Variants in TUSC3 observed in about 807,000 individuals in gnomAD.
TUSC3 encodes the protein dolichyl-diphosphooligosaccharide--protein glycosyltransferase subunit TUSC3.
A neutral mutation model predicts 44.8 loss-of-function variants in TUSC3; 45 were observed. The ratio of observed to expected loss-of-function variants is 1.00; its 90% confidence interval spans 0.79 to 1.29. TUSC3 has a LOEUF of 1.29. TUSC3 is among the 50% of genes most tolerant of loss of function. TUSC3 has a pLI of 0.00. For synonymous variants in TUSC3, 212 were observed against 152.9 expected, an observed-to-expected ratio of 1.39 and a Z score of -2.85; for missense variants, 519 against 437.9, an observed-to-expected ratio of 1.19 and a Z score of -1.65.
intron 6 of TUSC3, among the ~76,000 whole-genome samples, chr8:15,720,825 A>C (rs929138464): frequency 2.0e-5 from 3 of 152,148 alleles, no homozygotes; most frequent in Non-Finnish European, 4.4e-5. Context: ...GGCAGTGACC[A>C]CAAATAAATA....
chr8:15,581,592 G>C (rs1374468356), intron 1 of TUSC3, among the ~76,000 whole-genome samples: 28 of 149,466 alleles, frequency 1.9e-4, no homozygotes, highest in South Asian at 6.4e-4. Context: ...AGGTGTCAGT[G>C]TGCCCCTGCT....
the TUSC3 span, among the ~76,000 whole-genome samples, chr8:15,839,008 C>G: frequency 6.6e-6 from 1 of 152,092 alleles, no homozygotes; most frequent in Non-Finnish European, 1.5e-5. Flanking sequence ...TGTTCTTCCA[C>G]TTGTTTGTAT....
chr8:15,487,960 G>A (rs571892163), intron 2 of TUSC3, among the ~76,000 whole-genome samples: 7 of 143,556 alleles, frequency 4.9e-5, no homozygotes, highest in South Asian at 4.3e-4. Context: ...AAACACTCTC[G>A]TCTGAAATTC....
intron 1 of TUSC3, among the ~76,000 whole-genome samples, chr8:15,586,192 C>T (rs146369057): frequency 6.6e-6 from 1 of 152,176 alleles, no homozygotes; most frequent in Admixed American, 6.5e-5. Context: ...TGGCCAGAAA[C>T]AATTTAAGTC....
chr8:15,547,195 C>T (rs957921855), intron 1 of TUSC3, among the ~76,000 whole-genome samples: 2 of 151,574 alleles, frequency 1.3e-5, no homozygotes, highest in Non-Finnish European at 2.9e-5. Context: ...ATGGAAAGGG[C>T]ACTTTAGTAC....
At chr8:15,552,338 C>G (rs1393602906) in intron 1 of TUSC3, among the ~76,000 whole-genome samples, 2 of 151,588 alleles carry the variant, frequency 1.3e-5, no homozygotes, top group African/African-American at 4.8e-5. Context: ...AGGTACAGTG[C>G]TGGATTTTGA....
the TUSC3 span, among the ~76,000 whole-genome samples, chr8:15,839,825 C>T: frequency 6.6e-6 from 1 of 152,138 alleles, no homozygotes; most frequent in African/African-American, 2.4e-5. Context: ...GTGGCGATTC[C>T]TCAGGGATCT....
chr8:15,772,158 G>GA, the TUSC3 span, among the ~76,000 whole-genome samples: 1 of 151,844 alleles, frequency 6.6e-6, no homozygotes, highest in African/African-American at 2.4e-5. Flanking sequence ...ATTGGAAAAA[G>GA]AAAAACAAAC....
intron 6 of TUSC3, among the ~76,000 whole-genome samples, chr8:15,692,764 T>G (rs932297130): frequency 2.6e-5 from 4 of 151,984 alleles, no homozygotes; most frequent in African/African-American, 4.8e-5. Flanking sequence ...GTCTAGCTAG[T>G]GGTCAATTTA....
intron 2 of TUSC3, among the ~76,000 whole-genome samples, chr8:15,489,861 T>C (rs1800783676): frequency 1.3e-5 from 2 of 152,326 alleles, no homozygotes; most frequent in Admixed American, 6.5e-5. Flanking sequence ...CCCTTGGGCT[T>C]AGAATTCATA....
the TUSC3 span, among the ~76,000 whole-genome samples, chr8:15,821,926 A>C: frequency 1.3e-5 from 2 of 152,192 alleles, no homozygotes; most frequent in Admixed American, 6.5e-5. Context: ...TAGACTATAG[A>C]CAGGTAAAGA....
At chr8:15,630,609 A>G (rs899414068) in intron 2 of TUSC3, among the ~76,000 whole-genome samples, 3 of 152,180 alleles carry the variant, frequency 2.0e-5, no homozygotes, top group Non-Finnish European at 2.9e-5. Context: ...CTCCAGAGCT[A>G]TTAGAATTTA....
At chr8:15,514,719 A>G (rs1801190931) in intron 2 of TUSC3, among the ~76,000 whole-genome samples, 1 of 152,088 alleles carries the variant, frequency 6.6e-6, no homozygotes, top group African/African-American at 2.4e-5. Context: ...CACTTTATTT[A>G]TTTTATGAAG....
Position 15,766,212 on chromosome 8 carries a change from G to C in TUSC3, c.*2056G>C, listed in dbSNP as rs908500400. 1 of 151,904 alleles carries C rather than the reference G, an allele frequency of 6.6e-6. No homozygotes were observed. Among genetic ancestry groups the C allele is most frequent in the Admixed American group, 6.6e-5 (1 of 15,242 alleles). The allele number at this position is 151,904 out of a possible 1,614,324, so 9.4% of individuals were successfully genotyped here. On this transcript the variant is annotated 3_prime_UTR_variant, in exon 11 of 11. Coordinates refer to ENST00000503731, the MANE Select transcript of TUSC3 (RefSeq NM_006765.4). ...AGCTGTGGCTTCTCTATAGACAACT[G>C]TTACATTAGGGAAGTGATTCTAGAG...
At chr8:15,539,531 A>C (rs2129132089), upstream of TUSC3, among the ~76,000 whole-genome samples, 1 of 151,540 alleles carries the variant, frequency 6.6e-6, no homozygotes, top group African/African-American at 2.4e-5. Context: ...TTGTATTTTT[A>C]GTAGAAATGG....
the TUSC3 span, among the ~76,000 whole-genome samples, chr8:15,835,384 T>C: frequency 1.3e-5 from 2 of 151,932 alleles, no homozygotes; most frequent in Non-Finnish European, 2.9e-5. Context: ...ATTTTTTTAA[T>C]GGAAGAATTG....
At chr8:15,659,392 A>T in intron 3 of TUSC3, 115 bp from the exon 4 acceptor site, 1 of 1,335,502 alleles carries the variant, frequency 7.5e-7, no homozygotes, top group East Asian at 2.5e-5. Context: ...CTGGAAAACC[A>T]CTTGGATTTT....
intron 2 of TUSC3, among the ~76,000 whole-genome samples, chr8:15,498,304 C>G (rs1383959277): frequency 6.6e-6 from 1 of 152,158 alleles, no homozygotes; most frequent in African/African-American, 2.4e-5. Flanking sequence ...TGGAAGCTCT[C>G]ATTTGATTGC....
chr8:15,452,485 T>G (rs7841292), intron 1 of TUSC3, among the ~76,000 whole-genome samples: 2 of 152,152 alleles, frequency 1.3e-5, no homozygotes, highest in Admixed American at 6.5e-5. Flanking sequence ...ATCTCCTTAG[T>G]TTCTGCAACT....
Sources: allele counts gnomAD v4.1 joint callset (sites outside exome capture counted in the v4.1 genomes callset), GRCh38; gene constraint gnomAD v4.1.1; transcripts MANE v1.5; gene names NCBI Gene and HGNC (gene_info 2026-07-23, HGNC 2026-07-21).